Variants in PLD1 observed in about 807,000 individuals in gnomAD.
The protein encoded by PLD1 is phospholipase D1.
Under a neutral mutation model 137.1 loss-of-function variants are expected in PLD1, and 112 were observed. The observed-to-expected ratio is 0.82, with a 90% CI of 0.70 to 0.96. The LOEUF is 0.96. Among genes scored for constraint, PLD1 ranks in the 40% least tolerant of loss-of-function variants. PLD1 has a pLI of 0.00. For synonymous variants in PLD1, 431 were observed against 454.7 expected (o/e 0.95, Z 0.66); for missense variants, 1,321 against 1,342.0 (o/e 0.98, Z 0.24).
At position 171,713,936 on chromosome 3, in the gene PLD1, CCTT is replaced by C. The variant is rs750801398; in HGVS notation, c.865_867del (p.Lys289del). ...CGGATTCCATATTTCGTTTCTGTCT[CCTT>C]CTTCCCCACCTTAATTTTGAATTCT... is the stretch of plus-strand genomic sequence containing the variant. On this transcript the variant is annotated inframe_deletion, in exon 9 of 27. Transcript: ENST00000351298. The C allele has an allele frequency of 3.1e-6, 5 of 1,613,038 alleles. No homozygotes were observed. Among genetic ancestry groups the C allele is most frequent in the African/African-American group, 1.3e-5 (1 of 74,898 alleles).
At chr3:171,698,253 C>G (rs962784956) in intron 12 of PLD1, among the ~76,000 whole-genome samples, 1 of 152,200 alleles carries the variant, frequency 6.6e-6, no homozygotes, top group South Asian at 2.1e-4. Flanking sequence ...ACCGTAGAAG[C>G]TGGCTCATAG....
intron 19 of PLD1, among the ~76,000 whole-genome samples, chr3:171,664,004 G>A (rs114538817): frequency 4.3e-4 from 66 of 152,204 alleles, no homozygotes; most frequent in African/African-American, 1.5e-3. Context: ...AAAAATCGCT[G>A]ACTGTGCCAT....
At chr3:171,744,322 G>A (rs563297627) in intron 1 of PLD1, among the ~76,000 whole-genome samples, 7 of 152,180 alleles carry the variant, frequency 4.6e-5, no homozygotes, top group South Asian at 4.2e-4. Flanking sequence ...ACCTGTGCCC[G>A]TGCCAAGAAA....
intron 23 of PLD1, among the ~76,000 whole-genome samples, chr3:171,631,857 T>C (rs917548308): frequency 6.7e-6 from 1 of 150,124 alleles, no homozygotes; most frequent in African/African-American, 2.5e-5. Flanking sequence ...CTAATAAATA[T>C]AGAAAAAAAT....
chr3:171,720,314 G>T (rs541714336), intron 8 of PLD1, among the ~76,000 whole-genome samples: 43 of 86,608 alleles, frequency 5.0e-4, no homozygotes, highest in African/African-American at 2.3e-3. Flanking sequence ...AAAAAAAAAA[G>T]GCCGGGCGCG....
Position 171,751,919 on chromosome 3 carries a change from T to A in PLD1, c.-31-13837A>T, listed in dbSNP as rs571648244. Among the ~76,000 whole-genome samples the A allele has an allele frequency of 1.3e-4, 19 of 151,400 alleles. No individual in the cohort carries two copies. In the East Asian group the frequency reaches 3.7e-3, roughly 30 times the overall value. Reference sequence around the variant, plus strand: ...TTGGGAAGCTGGGGCAGGAGAATGGTATGAACCTGGGAGGTGGAGCTTGCA... The same window carrying A: ...TTGGGAAGCTGGGGCAGGAGAATGGAATGAACCTGGGAGGTGGAGCTTGCA... On this transcript the variant is annotated intron_variant, in intron 1 of 26. Coordinates refer to ENST00000351298, the MANE Select transcript of PLD1 (RefSeq NM_002662.5).
chr3:171,740,036 G>C (rs901480235), intron 1 of PLD1, among the ~76,000 whole-genome samples: 17 of 152,024 alleles, frequency 1.1e-4, no homozygotes, highest in Admixed American at 3.9e-4. Flanking sequence ...AAATTCCCAG[G>C]GTCTTTGTTT....
At chr3:171,794,949 A>G (rs995005880) in intron 1 of PLD1, among the ~76,000 whole-genome samples, 4 of 152,250 alleles carry the variant, frequency 2.6e-5, no homozygotes, top group Admixed American at 6.5e-5. Flanking sequence ...TGTGCAACAC[A>G]TCTTTTGTAT....
chr3:171,623,687 TA>T (rs1733841081), intron 23 of PLD1, among the ~76,000 whole-genome samples: 1 of 151,862 alleles, frequency 6.6e-6, no homozygotes, highest in Non-Finnish European at 1.5e-5. Flanking sequence ...ATCTAGCAGA[TA>T]AATAGACAGA....
intron 1 of PLD1, chr3:171,765,461 G>T (rs1255272487): frequency 6.6e-6 from 1 of 152,204 alleles, no homozygotes; most frequent in Non-Finnish European, 1.5e-5. Flanking sequence ...CATTAGGTAA[G>T]TTCTGAATGG....
At chr3:171,672,534 C>A (rs1159272248) in intron 19 of PLD1, among the ~76,000 whole-genome samples, 1 of 150,878 alleles carries the variant, frequency 6.6e-6, no homozygotes, top group East Asian at 1.9e-4. Context: ...GTTGCCCAGG[C>A]TGGAATGCAG....
chr3:171,664,697 G>A (rs1189764626), intron 19 of PLD1, among the ~76,000 whole-genome samples: 1 of 152,104 alleles, frequency 6.6e-6, no homozygotes, highest in African/African-American at 2.4e-5. Flanking sequence ...GACCTCAAGT[G>A]ATCCACCTGT....
At chr3:171,693,627 C>T (rs1715414060) in intron 12 of PLD1, among the ~76,000 whole-genome samples, 1 of 152,042 alleles carries the variant, frequency 6.6e-6, no homozygotes, top group Admixed American at 6.6e-5. Context: ...GCATTGTTTG[C>T]ACCCAGCAGC....
At chr3:171,805,188 C>A (rs1022469215) in intron 1 of PLD1, among the ~76,000 whole-genome samples, 1 of 151,944 alleles carries the variant, frequency 6.6e-6, no homozygotes, top group African/African-American at 2.4e-5. Context: ...TTCTTTTGTG[C>A]GTCAGAGGCT....
At chr3:171,793,260 C>T (rs1205083448) in intron 1 of PLD1, 1 of 152,130 alleles carries the variant, frequency 6.6e-6, no homozygotes, top group East Asian at 1.9e-4. Flanking sequence ...GGGAAATTTT[C>T]ATCAAGATTG....
chr3:171,675,499 T>C (rs1713256799), intron 18 of PLD1, among the ~76,000 whole-genome samples: 1 of 152,206 alleles, frequency 6.6e-6, no homozygotes, highest in Non-Finnish European at 1.5e-5. Context: ...AAAGACTTAT[T>C]GGTGTTGTAC....
At chr3:171,757,720 G>A (rs1260334624) in intron 1 of PLD1, among the ~76,000 whole-genome samples, 1 of 152,194 alleles carries the variant, frequency 6.6e-6, no homozygotes, top group Admixed American at 6.5e-5. Flanking sequence ...AGTTTCAGCT[G>A]ATAAAGAAAC....
At chr3:171,725,534 T>G (rs1718439040) in intron 7 of PLD1, among the ~76,000 whole-genome samples, 1 of 152,234 alleles carries the variant, frequency 6.6e-6, no homozygotes, top group African/African-American at 2.4e-5. Flanking sequence ...CTAACAATGC[T>G]CTTAACTAGA....
intron 24 of PLD1, among the ~76,000 whole-genome samples, chr3:171,617,479 G>A (rs1185411914): frequency 2.0e-5 from 3 of 152,132 alleles, no homozygotes; most frequent in East Asian, 1.9e-4. Context: ...GGGCAGTGGC[G>A]CTGTTTTACT....
Sources: allele counts gnomAD v4.1 joint callset (sites outside exome capture counted in the v4.1 genomes callset), GRCh38; gene constraint gnomAD v4.1.1; transcripts MANE v1.5; gene names NCBI Gene and HGNC (gene_info 2026-07-23, HGNC 2026-07-21).